LCP2: variants seen among roughly 807,000 people sequenced by gnomAD.
LCP2 encodes the protein lymphocyte cytosolic protein 2, also known as 76 kDa tyrosine phosphoprotein.
In LCP2, 29 loss-of-function variants were observed where a neutral mutation model predicts 74.5. The observed-to-expected ratio is 0.39, with a 90% CI of 0.29 to 0.53. The LOEUF (loss-of-function observed/expected upper bound fraction) is 0.53. Among genes scored for constraint, LCP2 ranks in the 20% least tolerant of loss-of-function variants. The probability of loss-of-function intolerance (pLI) is 0.72; values close to 1 mark genes in which losing one functional copy is unlikely to be tolerated. For missense variants in LCP2, 604 were observed against 634.6 expected, an observed-to-expected ratio of 0.95 and a Z score of 0.52; for synonymous variants, 228 against 229.5, an observed-to-expected ratio of 0.99 and a Z score of 0.06.
intron 12 of LCP2, 26 bp downstream of exon 12, chr5:170,262,816 C>T (rs1339653509): frequency 1.2e-6 from 2 of 1,613,982 alleles, no homozygotes; most frequent in Non-Finnish European, 1.7e-6. Flanking sequence ...GTCCCATGTA[C>T]CCTCATGTAG....
In LCP2 at chr5:170,258,357, T is replaced by C. The variant is rs984254836; in HGVS notation, c.971-191A>G. On this transcript the variant is annotated intron_variant, in intron 15 of 20. Coordinates refer to ENST00000046794, the MANE Select transcript of LCP2 (RefSeq NM_005565.5). ...GTGTTTCTAGATGACTTAACCACCA[T>C]AGAATCCATTTACAAAGGGGCGCAG... is the stretch of plus-strand genomic sequence containing the variant. 7.8e-5 allele frequency: 42 copies of C among 536,628 alleles called. No homozygotes were observed. The Middle Eastern group carries it at 1.5e-3, about 19-fold the overall frequency. The allele number at this position is 536,628 out of a possible 1,614,324, so 33.2% of individuals were successfully genotyped here.
intron 7 of LCP2, 87 bp downstream of exon 7, chr5:170,270,632 G>T: frequency 8.1e-7 from 1 of 1,236,656 alleles, no homozygotes. Flanking sequence ...TGCTACATGG[G>T]CAAGCTGGGG....
In LCP2 at chr5:170,293,326, T is replaced by C; in HGVS notation, c.125A>G (p.Asp42Gly). ...CEKAVKKYHI[D>G]GARFLNLTEN... Reference sequence around the variant, plus strand: ...AGAGCTTACCAAGAAGCGAGCCCCATCGATGTGGTACTTCTTCACTGCCTT... The same window carrying C: ...AGAGCTTACCAAGAAGCGAGCCCCACCGATGTGGTACTTCTTCACTGCCTT... Residue 42 changes from aspartate to glycine, a missense_variant, in exon 2 of 21, where the codon GAT (aspartate) becomes GGT (glycine). By Grantham distance (94) the Asp-to-Gly change is moderately conservative. Coordinates refer to ENST00000046794, the MANE Select transcript of LCP2 (RefSeq NM_005565.5). 1 of 1,607,766 alleles carries C rather than the reference T, an allele frequency of 6.2e-7. No homozygotes were observed. Among genetic ancestry groups the C allele is most frequent in the South Asian group, 1.1e-5 (1 of 89,492 alleles).
At chr5:170,289,693 CTT>C (rs1247151499) in intron 2 of LCP2, among the ~76,000 whole-genome samples, 2 of 134,570 alleles carry the variant, frequency 1.5e-5, no homozygotes, top group African/African-American at 2.7e-5. Context: ...CTCTTTCTTT[CTT>C]TCTTTCCTTC....
intron 11 of LCP2, 25 bp from the exon 12 acceptor site, chr5:170,262,886 TGA>T (rs769963848): frequency 1.9e-5 from 30 of 1,613,948 alleles, no homozygotes; most frequent in Non-Finnish European, 2.5e-5. Context: ...GAAAAATGTA[TGA>T]GTGTCCAAGC....
At chr5:170,289,297 T>C (rs1762236292) in intron 2 of LCP2, among the ~76,000 whole-genome samples, 1 of 151,984 alleles carries the variant, frequency 6.6e-6, no homozygotes, top group Non-Finnish European at 1.5e-5. Context: ...GCAGCAGGGG[T>C]CTGGGTGAGT....
Position 170,248,554 on chromosome 5 carries a change from G to T in LCP2, c.*143C>A. 2 of 826,490 alleles carry T rather than the reference G, an allele frequency of 2.4e-6. No homozygotes were observed. The highest frequency in any genetic ancestry group is 3.9e-6 in the Non-Finnish European group (2 of 512,120). 51.2% of individuals were successfully genotyped at this position (826,490 alleles called of 1,614,324 possible). On this transcript the variant is annotated 3_prime_UTR_variant, in exon 21 of 21. Coordinates refer to ENST00000046794, the MANE Select transcript of LCP2 (RefSeq NM_005565.5). ...GTTGACAGTCTTCATTTCAAACACT[G>T]TTTTTAAAGGAAAGGATAAAACCCT... is the stretch of plus-strand genomic sequence containing the variant.
In LCP2 at chr5:170,268,469, A is replaced by T; in HGVS notation, c.537T>A (p.Ser179=). 1 of 254,196 alleles carries T rather than the reference A, an allele frequency of 3.9e-6. No individual in the cohort carries two copies. Among genetic ancestry groups the T allele is most frequent in the Non-Finnish European group, 7.4e-6 (1 of 135,212 alleles). 15.7% of individuals were successfully genotyped at this position (254,196 alleles called of 1,614,324 possible). ...SNSMYIDRPP[S]GKTPQQPPVP... ...CAGGAGGCTGCTGGGGGGTTTTCCC[A>T]GAGGGGGGCCGGTCTGTGGAAACAC... Residue 179 remains serine (S), a synonymous_variant, in exon 8 of 21, where the codon TCT becomes TCA. Transcript: ENST00000046794.
At chr5:170,293,268 G>A (rs200439715) in intron 2 of LCP2, 42 bp downstream of exon 2, 68 of 1,579,112 alleles carry the variant, frequency 4.3e-5, no homozygotes, top group Middle Eastern at 1.7e-4. Context: ...GAAAAGTGCC[G>A]AACAGTCTTG....
rs202068772 is a variant in LCP2, at chr5:170,274,331, G to C, written c.294C>G (p.His98Gln). ...ACGACCAGCCCCCATTGTCCTCTTC[G>C]TGGCTTTCTGTGGAAGGAGATGACA... is the stretch of plus-strand genomic sequence containing the variant. ...VPRFPEETES[H>Q]EEDNGGWSSF... Residue 98 changes from histidine to glutamine, a missense_variant, in exon 6 of 21, where the codon CAC becomes CAG. His to Gln is a conservative substitution (Grantham distance 24). Transcript: ENST00000046794. The C allele has an allele frequency of 6.2e-7, 1 of 1,613,028 alleles. No individual in the cohort carries two copies. The highest frequency in any genetic ancestry group is 1.7e-4 in the Middle Eastern group (1 of 6,060).
intron 3 of LCP2, among the ~76,000 whole-genome samples, chr5:170,284,888 C>G (rs1464333723): frequency 6.6e-6 from 1 of 151,902 alleles, no homozygotes; most frequent in Non-Finnish European, 1.5e-5. Flanking sequence ...GTAGCTGGAA[C>G]TACAGTCGCC....
In LCP2 at chr5:170,261,991, G is replaced by A. The variant is rs1019830834; in HGVS notation, c.926+644C>T. Among the ~76,000 whole-genome samples, 83 of 152,234 alleles carry A rather than the reference G, an allele frequency of 5.5e-4. 1 individual carries two copies. The highest frequency in any genetic ancestry group is 1.9e-3 in the African/African-American group (78 of 41,526). On this transcript the variant is annotated intron_variant, in intron 13 of 20. Transcript: ENST00000046794. ...TGAGGAGGTTTTTTGGCACACTTTA[G>A]CCCTGGTCCTAATTTAATCCTCACA... is the stretch of plus-strand genomic sequence containing the variant.
intron 3 of LCP2, among the ~76,000 whole-genome samples, chr5:170,282,270 A>G (rs1289345399): frequency 6.6e-6 from 1 of 152,214 alleles, no homozygotes; most frequent in East Asian, 1.9e-4. Context: ...CATGAACACA[A>G]TTTCTTTTCC....
In LCP2 at chr5:170,288,165, A is replaced by T. The variant is rs979127496; in HGVS notation, c.142-149T>A. 1.5e-5 allele frequency: 9 copies of T among 585,754 alleles called. No individual in the cohort carries two copies. The African/African-American group carries it at 1.7e-4, about 11-fold the overall frequency. 36.3% of individuals were successfully genotyped at this position (585,754 alleles called of 1,614,324 possible). A position where few individuals can be genotyped will look rare whatever the true frequency, so the allele number is the denominator to read the frequency against. The stretch of plus-strand genomic sequence containing the variant: ...CCGCCCTGCCCACCCACCCTCCCCA[A>T]GTAGGCAGCCTCTAGATGTTTTGCC... On this transcript the variant is annotated intron_variant, in intron 2 of 20. Coordinates refer to ENST00000046794, the MANE Select transcript of LCP2 (RefSeq NM_005565.5).
chr5:170,289,609 TTCTTTCTTTTTCTTTC>T (rs1762242277), intron 2 of LCP2, among the ~76,000 whole-genome samples: 1 of 144,858 alleles, frequency 6.9e-6, no homozygotes. Flanking sequence ...CTTTCTTTCT[TTCTTTCTTTTTCTTTC>T]TTTCTTTCTT....
intron 20 of LCP2, among the ~76,000 whole-genome samples, chr5:170,249,191 G>T (rs537627545): frequency 1.5e-4 from 23 of 151,946 alleles, no homozygotes; most frequent in Non-Finnish European, 3.1e-4. Context: ...TGGGCGTGCT[G>T]GTGTGCGCCT....
At chr5:170,289,276 C>T (rs987617382) in intron 2 of LCP2, among the ~76,000 whole-genome samples, 1 of 152,184 alleles carries the variant, frequency 6.6e-6, no homozygotes, top group East Asian at 1.9e-4. Flanking sequence ...ATTACTACCC[C>T]TGGTGGGGAA....
chr5:170,291,489 C>T (rs142744355), intron 2 of LCP2, among the ~76,000 whole-genome samples: 1 of 152,344 alleles, frequency 6.6e-6, no homozygotes, highest in Non-Finnish European at 1.5e-5. Context: ...TGCACTTCCT[C>T]CTCTTCATAC....
At chr5:170,251,146 C>G (rs1400351503) in intron 19 of LCP2, 2 of 366,490 alleles carry the variant, frequency 5.5e-6, no homozygotes, top group Non-Finnish European at 9.9e-6. Context: ...GTTAAAGCCT[C>G]CTGATAAAAA....
Sources: allele counts gnomAD v4.1 joint callset (sites outside exome capture counted in the v4.1 genomes callset), GRCh38; gene constraint gnomAD v4.1.1; transcripts MANE v1.5; gene names NCBI Gene and HGNC (gene_info 2026-07-23, HGNC 2026-07-21).